SOX6: variants seen among roughly 807,000 people sequenced by gnomAD.
SOX6 encodes transcription factor SOX-6.
SOX6 carries 11 observed loss-of-function variants against 97.8 expected under a neutral mutation model. The ratio of observed to expected loss-of-function variants is 0.11; its 90% CI spans 0.07 to 0.19. The LOEUF is 0.19. Ranked by LOEUF, SOX6 falls within the 10% of genes least tolerant of loss-of-function variation. The pLI is 1.00. For synonymous variants in SOX6, 360 were observed against 371.4 expected, an observed-to-expected ratio of 0.97 and a Z score of 0.35; for missense variants, 810 against 1,039.5, an observed-to-expected ratio of 0.78 and a Z score of 3.04.
chr11:16,511,526 G>T (rs1421102511), intron 4 of SOX6, among the ~76,000 whole-genome samples: 5 of 151,538 alleles, frequency 3.3e-5, no homozygotes, highest in Admixed American at 1.3e-4. Context: ...TTTTGTTTTT[G>T]TTTTTTTTAA....
chr11:16,067,698 T>A (rs1590173617), intron 9 of SOX6, among the ~76,000 whole-genome samples: 1 of 152,156 alleles, frequency 6.6e-6, no homozygotes, highest in Admixed American at 6.5e-5. Context: ...AAAGGATAAA[T>A]GCTTGAGAGG....
At chr11:15,976,743 A>G (rs1245265101) in intron 15 of SOX6, among the ~76,000 whole-genome samples, 1 of 152,132 alleles carries the variant, frequency 6.6e-6, no homozygotes, top group Non-Finnish European at 1.5e-5. Flanking sequence ...AAAAAGAAAA[A>G]AGTCCCCAAA....
intron 13 of SOX6, among the ~76,000 whole-genome samples, chr11:15,991,258 T>C (rs960270921): frequency 4.6e-5 from 7 of 152,178 alleles, no homozygotes; most frequent in South Asian, 2.1e-4. Context: ...GCACTGACCA[T>C]ACAGGATAAA....
At chr11:16,509,010 A>G (rs1432642028) in intron 4 of SOX6, among the ~76,000 whole-genome samples, 1 of 152,096 alleles carries the variant, frequency 6.6e-6, no homozygotes. Flanking sequence ...AATTTCACAG[A>G]ACATATTTTG....
chr11:16,415,921 A>G (rs1175066675), intron 1 of SOX6, among the ~76,000 whole-genome samples: 6 of 152,176 alleles, frequency 3.9e-5, no homozygotes, highest in Non-Finnish European at 5.9e-5. Flanking sequence ...GGGATTTGGG[A>G]TTCTAGATAG....
intron 6 of SOX6, among the ~76,000 whole-genome samples, chr11:16,137,943 C>T (rs1850018203): frequency 6.6e-6 from 1 of 152,174 alleles, no homozygotes; most frequent in Non-Finnish European, 1.5e-5. Context: ...TTCCTAAGGC[C>T]TTCCCCAGCC....
rs545163558 is a variant in SOX6, at chr11:16,428,074, C to T, written c.-5+48241G>A. 2.2e-3 allele frequency among the ~76,000 whole-genome samples: 329 copies of T among 152,270 alleles called. 2 individuals are homozygous for T. The highest frequency in any genetic ancestry group is 3.5e-3 in the Admixed American group (54 of 15,294). On this transcript the variant is annotated intron_variant, in intron 1 of 15. Coordinates refer to the SOX6 transcript ENST00000396356. ...GTGGTTTTGATATGCATTTCTCTGA[C>T]GGCCAGTGATGATGAGCATTTTTAC...
At chr11:16,722,204 A>G (rs1228980879) in intron 2 of SOX6, among the ~76,000 whole-genome samples, 2 of 152,086 alleles carry the variant, frequency 1.3e-5, no homozygotes, top group East Asian at 3.8e-4. Context: ...TACACAGCGA[A>G]AAAAAACTAT....
At chr11:16,523,587 G>T (rs1209474458) in intron 4 of SOX6, among the ~76,000 whole-genome samples, 1 of 151,946 alleles carries the variant, frequency 6.6e-6, no homozygotes, top group Admixed American at 6.6e-5. Context: ...AAAAGCAAGA[G>T]CAAACACATT....
chr11:16,260,789 C>T (rs1244203170), intron 3 of SOX6, among the ~76,000 whole-genome samples: 1 of 152,132 alleles, frequency 6.6e-6, no homozygotes, highest in Non-Finnish European at 1.5e-5. Flanking sequence ...TAGAATAAAA[C>T]CCAAAATCCT....
At chr11:15,997,586 T>G (rs2119864314) in intron 13 of SOX6, among the ~76,000 whole-genome samples, 1 of 152,310 alleles carries the variant, frequency 6.6e-6, no homozygotes, top group Admixed American at 6.5e-5. Context: ...AAACACATGA[T>G]AATCACAATA....
chr11:16,155,282 A>G (rs1050282565), intron 6 of SOX6, among the ~76,000 whole-genome samples: 5 of 152,126 alleles, frequency 3.3e-5, no homozygotes, highest in Non-Finnish European at 7.4e-5. Flanking sequence ...CTAAGTCTGA[A>G]TTCGAGGTCT....
rs927905564 is a variant in SOX6, at chr11:16,715,583, GA to G, written n.354-679del. 2.8e-4 allele frequency among the ~76,000 whole-genome samples: 39 copies of G among 140,120 alleles called. 1 individual carries two copies. The highest frequency in any genetic ancestry group is 8.7e-4 in the African/African-American group (33 of 38,142). The allele number at this position is 140,120 out of a possible 152,430, so 91.9% of individuals were successfully genotyped here. A position where few individuals can be genotyped will look rare whatever the true frequency, so the allele number is the denominator to read the frequency against. ...TTAAACTTTTAATGAGAATTAGAAA[GA>G]AAAAAAAAAGGAGTGGGGAATAAAA... is the stretch of plus-strand genomic sequence containing the variant. On this transcript the variant is annotated intron_variant and non_coding_transcript_variant, in intron 2 of 5. Transcript: ENST00000524520.
intron 4 of SOX6, among the ~76,000 whole-genome samples, chr11:16,515,970 G>A (rs1338827601): frequency 6.6e-6 from 1 of 151,720 alleles, no homozygotes; most frequent in Non-Finnish European, 1.5e-5. Context: ...ATAGTTTGAA[G>A]GCAGGTAGTG....
At chr11:16,444,047 T>A (rs113212291) in intron 1 of SOX6, among the ~76,000 whole-genome samples, 6,192 of 151,842 alleles carry the variant, frequency 0.041, 418 homozygotes, top group African/African-American at 0.13. Context: ...CCGACCTTTT[T>A]TTAAGTATTT....
At chr11:16,372,998 T>C (rs1857532039) in intron 1 of SOX6, among the ~76,000 whole-genome samples, 1 of 152,076 alleles carries the variant, frequency 6.6e-6, no homozygotes, top group Non-Finnish European at 1.5e-5. Flanking sequence ...ATATAACCAT[T>C]TTTTTCGCAA....
chr11:16,619,147 C>T (rs1225592262), intron 3 of SOX6, among the ~76,000 whole-genome samples: 1 of 151,122 alleles, frequency 6.6e-6, no homozygotes, highest in Non-Finnish European at 1.5e-5. Flanking sequence ...CTTTACCAGA[C>T]AATAACACTA....
intron 4 of SOX6, among the ~76,000 whole-genome samples, chr11:16,569,738 G>A (rs369041324): frequency 3.0e-4 from 45 of 151,606 alleles, no homozygotes; most frequent in Non-Finnish European, 5.7e-4. Context: ...GCGTGGTGGC[G>A]GGCACCTGTA....
At chr11:16,535,178 T>A (rs776900145) in intron 4 of SOX6, among the ~76,000 whole-genome samples, 1 of 152,166 alleles carries the variant, frequency 6.6e-6, no homozygotes, top group South Asian at 2.1e-4. Context: ...CTAAAGAAGA[T>A]TGTGCAAGCT....
Sources: allele counts gnomAD v4.1 joint callset (sites outside exome capture counted in the v4.1 genomes callset), GRCh38; gene constraint gnomAD v4.1.1; transcripts MANE v1.5; gene names NCBI Gene and HGNC (gene_info 2026-07-23, HGNC 2026-07-21).